The following ANKRD36B variants were observed in gnomAD, a reference collection of about 807,000 sequenced individuals.
ANKRD36B encodes ankyrin repeat domain 36B, also known as ankyrin repeat domain-containing protein 36B.
A neutral mutation model predicts 135.7 loss-of-function variants in ANKRD36B; 37 were observed. The observed-to-expected ratio is 0.27, with a 90% CI of 0.21 to 0.36. ANKRD36B has a LOEUF of 0.36. Ranked by LOEUF, ANKRD36B falls within the 10% of genes least tolerant of loss-of-function variation. The pLI is 1.00. For missense variants in ANKRD36B, 549 were observed against 1,037.1 expected (o/e 0.53, Z 6.46); for synonymous variants, 179 against 348.1 (o/e 0.51, Z 5.41).
Position 97,540,834 on chromosome 2 carries a change from T to C in ANKRD36B, c.1886-605A>G, listed in dbSNP as rs1377443358. Among the ~76,000 whole-genome samples, 2 of 96,548 alleles carry C rather than the reference T, an allele frequency of 2.1e-5. 1 individual carries two copies. The highest frequency in any genetic ancestry group is 5.5e-5 in the Non-Finnish European group (2 of 36,270). The allele number at this position is 96,548 out of a possible 152,430, so 63.3% of individuals were successfully genotyped here. On this transcript the variant is annotated intron_variant, in intron 28 of 43. Coordinates refer to ENST00000359901, the MANE Select transcript of ANKRD36B (RefSeq NM_001393939.1). ...AACCCACGTGGTGTAATAATTTGCC[T>C]AAGTTTCTTGTATCCACTCGTTTAG...
At chr2:97,545,631 A>G (rs1340700097) in intron 24 of ANKRD36B, 35 bp downstream of exon 24, 1 of 912,912 alleles carries the variant, frequency 1.1e-6, no homozygotes, top group Non-Finnish European at 1.7e-6. Context: ...TTCTATCTTG[A>G]ACGAACATCA....
chr2:97,569,595 C>G (rs1267348426), intron 6 of ANKRD36B, among the ~76,000 whole-genome samples: 1 of 150,664 alleles, frequency 6.6e-6, no homozygotes, highest in Non-Finnish European at 1.5e-5. Context: ...TCAGTTGTAA[C>G]AAATGTACCA....
In ANKRD36B at chr2:97,541,868, T is replaced by A; in HGVS notation, c.1885+43A>T. On this transcript the variant is annotated intron_variant, in intron 28 of 43. Transcript: ENST00000359901. ...TTTATTTGGGGAAGTGAATTTCTCT[T>A]CTATTTGATCGAACATTACATTAAA... The A allele has an allele frequency of 2.2e-6, 2 of 908,422 alleles. 1 individual carries two copies. The highest frequency in any genetic ancestry group is 2.5e-5 in the South Asian group (2 of 78,946). 56.3% of individuals were successfully genotyped at this position (908,422 alleles called of 1,614,324 possible).
rs183657367 is a variant in ANKRD36B, at chr2:97,528,001, C to G, written c.2265+4310G>C. Among the ~76,000 whole-genome samples the G allele has an allele frequency of 5.2e-5, 5 of 95,384 alleles. 2 individuals carry two copies. The South Asian group carries it at 9.6e-4, about 18-fold the overall frequency. The allele number at this position is 95,384 out of a possible 152,430, so 62.6% of individuals were successfully genotyped here. ...CAACATTAGACAGATCAACGAGACA[C>G]AAAGTTAACAAGGAGACCCAGAAAT... On this transcript the variant is annotated intron_variant, in intron 35 of 43. Coordinates refer to ENST00000359901, the MANE Select transcript of ANKRD36B (RefSeq NM_001393939.1).
Position 97,526,338 on chromosome 2 carries a change from A to C in ANKRD36B, c.2266-2871T>G, listed in dbSNP as rs569619646. Among the ~76,000 whole-genome samples, 21 of 97,986 alleles carry C rather than the reference A, an allele frequency of 2.1e-4. 4 individuals carry two copies. In the East Asian group the frequency reaches 3.7e-3, roughly 17 times the overall value. 64.3% of individuals were successfully genotyped at this position (97,986 alleles called of 152,430 possible). ...GCAAACTCCAACAGACCTGCAGCTG[A>C]GGGTCCTGTCTGGTAGAAGGAAAAC... On this transcript the variant is annotated intron_variant, in intron 35 of 43. Coordinates refer to ENST00000359901, the MANE Select transcript of ANKRD36B (RefSeq NM_001393939.1).
chr2:97,547,429 T>C (rs2079573800), intron 22 of ANKRD36B, 107 bp downstream of exon 22: 15 of 1,187,076 alleles, frequency 1.3e-5, no homozygotes, highest in Non-Finnish European at 1.5e-5. Context: ...TCAGGACTGC[T>C]GAATCAGAAT....
rs2079505652 is a variant in ANKRD36B, at chr2:97,546,745, A to T, written c.1579+791T>A. On this transcript the variant is annotated intron_variant, in intron 22 of 43. Transcript: ENST00000359901. ...GGGAGGACCATGTTATTCTCGAAAG[A>T]AGTTTCATGAAATAGCTATTTCATC... Among the ~76,000 whole-genome samples, 4 of 151,836 alleles carry T rather than the reference A, an allele frequency of 2.6e-5. No individual in the cohort carries two copies. The South Asian group carries it at 8.3e-4, about 31-fold the overall frequency.
At position 97,553,330 on chromosome 2, in the gene ANKRD36B, AG is replaced by A. The variant is rs780779455; in HGVS notation, c.1200+12del. On this transcript the variant is annotated intron_variant, in intron 15 of 43. Coordinates refer to ENST00000359901, the MANE Select transcript of ANKRD36B (RefSeq NM_001393939.1). The stretch of plus-strand genomic sequence containing the variant: ...GATTTACTAGTTCACAACATAAATG[AG>A]AGTTCAATTACCTTCAAGGCTTGTT... The A allele has an allele frequency of 2.4e-5, 38 of 1,609,490 alleles. No individual in the cohort carries two copies. Among genetic ancestry groups the A allele is most frequent in the Non-Finnish European group, 2.8e-5 (33 of 1,178,570 alleles).
At chr2:97,495,963 C>G (rs1267403384) in intron 43 of ANKRD36B, among the ~76,000 whole-genome samples, 2 of 105,320 alleles carry the variant, frequency 1.9e-5, no homozygotes, top group African/African-American at 5.2e-5. Flanking sequence ...TATTTAAATA[C>G]AAAGCTAGAA....
At chr2:97,564,489 T>C (rs1577030941) in intron 6 of ANKRD36B, among the ~76,000 whole-genome samples, 1 of 152,212 alleles carries the variant, frequency 6.6e-6, no homozygotes, top group East Asian at 1.9e-4. Context: ...TAGGTTTTCA[T>C]CCAGGGTTTT....
Position 97,545,933 on chromosome 2 carries a change from T to G in ANKRD36B, c.1580-72A>C, listed in dbSNP as rs947446905. 79 of 931,892 alleles carry G rather than the reference T, an allele frequency of 8.5e-5. 6 individuals are homozygous for G. The Middle Eastern group carries it at 1.2e-3, about 14-fold the overall frequency. 57.7% of individuals were successfully genotyped at this position (931,892 alleles called of 1,614,324 possible). A position where few individuals can be genotyped will look rare whatever the true frequency, so the allele number is the denominator to read the frequency against. On this transcript the variant is annotated intron_variant, in intron 22 of 43. Transcript: ENST00000359901. ...AAGTTATCCATACATTCATACAGTG[T>G]TAGCATCAACCTCTGTCCTCCTGCC...
At chr2:97,578,063 A>G (rs372621639) in intron 5 of ANKRD36B, among the ~76,000 whole-genome samples, 1 of 152,144 alleles carries the variant, frequency 6.6e-6, no homozygotes, top group South Asian at 2.1e-4. Flanking sequence ...ATAACTCACC[A>G]TGAAGGTCTA....
rs1198881143 is a variant in ANKRD36B, at chr2:97,531,085, T to C, written c.2265+1226A>G. Among the ~76,000 whole-genome samples the C allele has an allele frequency of 2.1e-5, 2 of 93,926 alleles. 1 individual carries two copies. Among genetic ancestry groups the C allele is most frequent in the African/African-American group, 6.4e-5 (2 of 31,288 alleles). The allele number at this position is 93,926 out of a possible 152,430, so 61.6% of individuals were successfully genotyped here. On this transcript the variant is annotated intron_variant, in intron 35 of 43. Transcript: ENST00000359901. ...ATACCCAAAGGACTATAAATCATGC[T>C]GCTATAAAGACACATGCACACGTAT...
At chr2:97,576,136 A>T (rs1426961373) in intron 6 of ANKRD36B, among the ~76,000 whole-genome samples, 4 of 151,174 alleles carry the variant, frequency 2.6e-5, no homozygotes, top group African/African-American at 4.8e-5. Flanking sequence ...TTATTTACAC[A>T]AAAAGGTCAT....
At position 97,573,702 on chromosome 2, in the gene ANKRD36B, T is replaced by A. The variant is rs374178299; in HGVS notation, c.763+2677A>T. 1.8e-4 allele frequency among the ~76,000 whole-genome samples: 28 copies of A among 152,134 alleles called. 2 individuals carry two copies. The East Asian group carries it at 3.5e-3, about 19-fold the overall frequency. On this transcript the variant is annotated intron_variant, in intron 6 of 43. Coordinates refer to ENST00000359901, the MANE Select transcript of ANKRD36B (RefSeq NM_001393939.1). ...GTACCGAAATGGAGATATAGACCAA[T>A]GGAACAGAACAGAGCCATCAGAAAT... is the stretch of plus-strand genomic sequence containing the variant.
chr2:97,540,237 G>A lies in ANKRD36B; in HGVS notation c.1886-8C>T, dbSNP rs762043947. 1.0e-6 allele frequency: 1 copy of A among 966,962 alleles called. No individual in the cohort carries two copies. Among genetic ancestry groups the A allele is most frequent in the Non-Finnish European group, 1.6e-6 (1 of 640,766 alleles). The allele number at this position is 966,962 out of a possible 1,614,324, so 59.9% of individuals were successfully genotyped here. A position where few individuals can be genotyped will look rare whatever the true frequency, so the allele number is the denominator to read the frequency against. The stretch of plus-strand genomic sequence containing the variant: ...GTCGTCTCTGAGAAGACACTGAAAA[G>A]CAAAAGGGATACATAATCACCCACA... On this transcript the variant is annotated splice_polypyrimidine_tract_variant and splice_region_variant and intron_variant, in intron 28 of 43. Transcript: ENST00000359901.
At chr2:97,585,186 T>C in intron 2 of ANKRD36B, 69 bp from the exon 3 acceptor site, 1 of 1,608,188 alleles carries the variant, frequency 6.2e-7, no homozygotes, top group Non-Finnish European at 8.5e-7. Flanking sequence ...TAGGATTTCC[T>C]ACTAGTTATA....
intron 37 of ANKRD36B, among the ~76,000 whole-genome samples, chr2:97,514,094 A>G (rs548370138): frequency 0.023 from 3,182 of 137,004 alleles, 220 homozygotes; most frequent in Middle Eastern, 0.045. Context: ...GGTCACTCAT[A>G]TTTGGCTCAG....
intron 6 of ANKRD36B, among the ~76,000 whole-genome samples, chr2:97,568,714 A>G (rs2081619357): frequency 1.3e-5 from 2 of 152,260 alleles, no homozygotes; most frequent in South Asian, 4.1e-4. Context: ...TTTCTAATAT[A>G]TAAAATATAT....
Sources: allele counts gnomAD v4.1 joint callset (sites outside exome capture counted in the v4.1 genomes callset), GRCh38; gene constraint gnomAD v4.1.1; transcripts MANE v1.5; gene names NCBI Gene and HGNC (gene_info 2026-07-23, HGNC 2026-07-21).